The following ADAMTSL1 variants were observed in gnomAD, a reference collection of about 807,000 sequenced individuals.
ADAMTSL1 encodes ADAMTS-like protein 1.
ADAMTSL1 carries 126 observed loss-of-function variants against 201.8 expected under a neutral mutation model. The observed-to-expected ratio is 0.62, with a 90% CI of 0.54 to 0.72. ADAMTSL1 has a LOEUF of 0.72. Ranked by LOEUF, ADAMTSL1 falls within the 30% of genes least tolerant of loss-of-function variation. The pLI, the probability that ADAMTSL1 is intolerant of heterozygous loss-of-function variation, is 0.00. For missense variants in ADAMTSL1, 2,679 were observed against 2,277.8 expected, an observed-to-expected ratio of 1.18 and a Z score of -3.59; for synonymous variants, 1,121 against 903.4, an observed-to-expected ratio of 1.24 and a Z score of -4.32.
At chr9:18,180,961 G>A (rs1239256477) in intron 2 of ADAMTSL1, among the ~76,000 whole-genome samples, 1 of 152,140 alleles carries the variant, frequency 6.6e-6, no homozygotes, top group Non-Finnish European at 1.5e-5. Flanking sequence ...GAACAGAACA[G>A]AGCCCTCAGA....
At chr9:18,443,081 G>A (rs1820059973) in intron 2 of ADAMTSL1, among the ~76,000 whole-genome samples, 1 of 152,268 alleles carries the variant, frequency 6.6e-6, no homozygotes, top group Admixed American at 6.5e-5. Flanking sequence ...TGAAGGCTTT[G>A]GGGGCCTGGA....
chr9:18,230,049 C>CT (rs1830591876), intron 2 of ADAMTSL1, among the ~76,000 whole-genome samples: 1 of 152,136 alleles, frequency 6.6e-6, no homozygotes, highest in Non-Finnish European at 1.5e-5. Flanking sequence ...CCCAGACAAG[C>CT]ATTGGTAGGT....
chr9:18,737,377 C>T (rs1818576612), intron 15 of ADAMTSL1, among the ~76,000 whole-genome samples: 1 of 150,028 alleles, frequency 6.7e-6, no homozygotes, highest in East Asian at 2.0e-4. Flanking sequence ...CTCCAGAGCC[C>T]CATGCCCATG....
At chr9:18,827,799 G>A (rs926515572) in intron 22 of ADAMTSL1, among the ~76,000 whole-genome samples, 1 of 152,152 alleles carries the variant, frequency 6.6e-6, no homozygotes, top group Non-Finnish European at 1.5e-5. Flanking sequence ...CACGGTGTTC[G>A]AAGAGCAAAA....
At chr9:17,991,672 G>A (rs1819156086) in intron 1 of ADAMTSL1, among the ~76,000 whole-genome samples, 1 of 152,102 alleles carries the variant, frequency 6.6e-6, no homozygotes, top group Admixed American at 6.5e-5. Flanking sequence ...GGGCTGTATT[G>A]GAAGTAAAGA....
intron 1 of ADAMTSL1, among the ~76,000 whole-genome samples, chr9:17,958,834 C>T (rs373833368): frequency 1.1e-3 from 174 of 152,234 alleles, no homozygotes; most frequent in African/African-American, 4.0e-3. Context: ...CTATTAAATT[C>T]CATGGGAAAT....
chr9:17,946,117 C>G (rs1384347933), intron 1 of ADAMTSL1, among the ~76,000 whole-genome samples: 3 of 142,138 alleles, frequency 2.1e-5, no homozygotes, highest in East Asian at 2.1e-4. Context: ...TGTGTACAAA[C>G]AGAATTGAAT....
At chr9:18,693,376 A>G (rs769107150) in intron 13 of ADAMTSL1, among the ~76,000 whole-genome samples, 11 of 152,246 alleles carry the variant, frequency 7.2e-5, no homozygotes, top group Admixed American at 1.3e-4. Context: ...CATATACTGC[A>G]TAAGTATAAC....
chr9:18,497,399 C>G (rs1300051472), intron 1 of ADAMTSL1, among the ~76,000 whole-genome samples: 1 of 152,072 alleles, frequency 6.6e-6, no homozygotes, highest in Non-Finnish European at 1.5e-5. Context: ...CTCTCTAGGT[C>G]TAGAAGCTCA....
intron 1 of ADAMTSL1, among the ~76,000 whole-genome samples, chr9:18,149,743 A>T (rs1826825922): frequency 6.6e-6 from 1 of 152,110 alleles, no homozygotes; most frequent in Non-Finnish European, 1.5e-5. Flanking sequence ...AATGTGTTGG[A>T]CTGAAGAAAG....
chr9:18,547,246 T>A (rs1820521863), intron 3 of ADAMTSL1, among the ~76,000 whole-genome samples: 1 of 152,052 alleles, frequency 6.6e-6, no homozygotes, highest in Non-Finnish European at 1.5e-5. Flanking sequence ...GCAGAGTAAG[T>A]TACAAAAGTA....
intron 20 of ADAMTSL1, among the ~76,000 whole-genome samples, chr9:18,797,409 C>G (rs1262102978): frequency 6.6e-6 from 1 of 152,202 alleles, no homozygotes; most frequent in Non-Finnish European, 1.5e-5. Context: ...GTGAGCACAC[C>G]CTCTGCCACA....
chr9:18,868,254 GATCCTTGTCTACCAATTCCATC>G (rs1401886028), intron 23 of ADAMTSL1, among the ~76,000 whole-genome samples: 1 of 152,008 alleles, frequency 6.6e-6, no homozygotes, highest in Non-Finnish European at 1.5e-5. Flanking sequence ...TCTGTTTTAA[GATCCTTGTCTACCAATTCCATC>G]ATCCTTGTCG....
At chr9:18,755,157 G>A (rs1819681601) in intron 16 of ADAMTSL1, among the ~76,000 whole-genome samples, 3 of 152,166 alleles carry the variant, frequency 2.0e-5, no homozygotes, top group African/African-American at 4.8e-5. Flanking sequence ...CCTAGATGTA[G>A]GCTTCCTTAA....
intron 15 of ADAMTSL1, among the ~76,000 whole-genome samples, chr9:18,739,823 G>A (rs1818713405): frequency 6.6e-6 from 1 of 152,086 alleles, no homozygotes; most frequent in Non-Finnish European, 1.5e-5. Context: ...CTGCCCACAG[G>A]GGTGTGTATG....
At position 18,161,405 on chromosome 9, in the gene ADAMTSL1, A is replaced by G. The variant is rs186740941; in HGVS notation, c.88-2457A>G. The stretch of plus-strand genomic sequence containing the variant: ...TTTAGCTTTTAAGAATTGGCATCGA[A>G]TAACTAAAGGTGATCACCATTTTGG... On this transcript the variant is annotated intron_variant, in intron 1 of 29. Transcript: ENST00000680146. Among the ~76,000 whole-genome samples the G allele has an allele frequency of 4.2e-4, 64 of 152,190 alleles. No individual in the cohort carries two copies. In the East Asian group the frequency reaches 0.012, roughly 29 times the overall value.
At chr9:18,038,724 C>T (rs1821309598) in intron 1 of ADAMTSL1, among the ~76,000 whole-genome samples, 1 of 152,184 alleles carries the variant, frequency 6.6e-6, no homozygotes, top group African/African-American at 2.4e-5. Flanking sequence ...TGTCTTCTAA[C>T]AACTTACCAC....
chr9:18,065,550 G>T (rs1205671362), intron 1 of ADAMTSL1, among the ~76,000 whole-genome samples: 1 of 152,136 alleles, frequency 6.6e-6, no homozygotes, highest in Non-Finnish European at 1.5e-5. Context: ...AGTGCCACAG[G>T]TCGTAGATGA....
chr9:18,837,737 C>CAT (rs1338155185), intron 23 of ADAMTSL1, among the ~76,000 whole-genome samples: 4 of 152,202 alleles, frequency 2.6e-5, no homozygotes, highest in Non-Finnish European at 5.9e-5. Flanking sequence ...TGGCTGCTTT[C>CAT]ATATTACAAC....
Sources: gnomAD v4.1 joint callset for allele counts (sites outside exome capture counted in the v4.1 genomes callset) on GRCh38, gnomAD v4.1.1 for gene constraint, MANE v1.5 for transcripts, NCBI Gene and HGNC (gene_info 2026-07-23, HGNC 2026-07-21) for gene names.